Variants in ITPR2 observed in about 807,000 individuals in gnomAD.
ITPR2 encodes inositol 1,4,5-trisphosphate receptor type 2.
Under a neutral mutation model 317.1 loss-of-function variants are expected in ITPR2, and 207 were observed. That is an observed-to-expected ratio of 0.65 (90% confidence interval 0.58 to 0.73). The LOEUF (loss-of-function observed/expected upper bound fraction) is 0.73. Ranked by LOEUF, ITPR2 falls within the 30% of genes least tolerant of loss-of-function variation. The pLI is 0.00. For synonymous variants in ITPR2, 1,156 were observed against 1,149.1 expected (o/e 1.01, Z -0.12); for missense variants, 2,613 against 3,284.0 (o/e 0.80, Z 4.99).
intron 21 of ITPR2, among the ~76,000 whole-genome samples, chr12:26,651,006 CT>C (rs1947240360): frequency 6.6e-6 from 1 of 152,072 alleles, no homozygotes; most frequent in Non-Finnish European, 1.5e-5. Flanking sequence ...TCTCCATTTG[CT>C]TTCGTGGTTC....
intron 2 of ITPR2, among the ~76,000 whole-genome samples, chr12:26,745,317 A>C (rs1949301005): frequency 6.6e-6 from 1 of 152,260 alleles, no homozygotes; most frequent in African/African-American, 2.4e-5. Context: ...TAATGATTGC[A>C]CATGGTGATG....
At chr12:26,590,825 A>T (rs1407134529) in intron 32 of ITPR2, among the ~76,000 whole-genome samples, 1 of 152,166 alleles carries the variant, frequency 6.6e-6, no homozygotes, top group Non-Finnish European at 1.5e-5. Flanking sequence ...CACGCCTGTA[A>T]TCTTAGCACT....
intron 2 of ITPR2, among the ~76,000 whole-genome samples, chr12:26,749,152 G>C (rs780212100): frequency 2.0e-5 from 3 of 152,150 alleles, no homozygotes; most frequent in Non-Finnish European, 2.9e-5. Flanking sequence ...CTACTCTGCA[G>C]TTTGAAAGTT....
At chr12:26,408,496 C>T (rs1834360689) in intron 52 of ITPR2, among the ~76,000 whole-genome samples, 1 of 152,178 alleles carries the variant, frequency 6.6e-6, no homozygotes, top group Admixed American at 6.5e-5. Context: ...CAGGATTACA[C>T]AGAGCTGGGC....
chr12:26,712,634 TACAC>T (rs67872654), intron 8 of ITPR2, among the ~76,000 whole-genome samples: 19,757 of 148,766 alleles, frequency 0.13, 1,527 homozygotes, highest in African/African-American at 0.2. Context: ...TTGTCTCAAA[TACAC>T]ACACACACAC....
chr12:26,449,192 T>C (rs1941680808), intron 45 of ITPR2, among the ~76,000 whole-genome samples: 1 of 152,170 alleles, frequency 6.6e-6, no homozygotes, highest in African/African-American at 2.4e-5. Flanking sequence ...GACATAGCAA[T>C]TGGCTTTCCC....
intron 52 of ITPR2, among the ~76,000 whole-genome samples, chr12:26,405,657 T>C (rs1940324185): frequency 6.6e-6 from 1 of 152,230 alleles, no homozygotes; most frequent in African/African-American, 2.4e-5. Context: ...GTGTTTGTTA[T>C]GGTTTCTTAG....
At chr12:26,578,483 T>C (rs1170541226) in intron 34 of ITPR2, among the ~76,000 whole-genome samples, 2 of 152,132 alleles carry the variant, frequency 1.3e-5, no homozygotes, top group African/African-American at 2.4e-5. Flanking sequence ...CATATTAAAG[T>C]TCCATATGCA....
chr12:26,757,583 T>C (rs1051687729), intron 2 of ITPR2, among the ~76,000 whole-genome samples: 1 of 152,208 alleles, frequency 6.6e-6, no homozygotes, highest in African/African-American at 2.4e-5. Flanking sequence ...AATTCTTTCA[T>C]GCTTGAAGTC....
chr12:26,714,850 T>C (rs1948708953), intron 8 of ITPR2, among the ~76,000 whole-genome samples: 1 of 152,320 alleles, frequency 6.6e-6, no homozygotes, highest in African/African-American at 2.4e-5. Flanking sequence ...CTGATTCCAA[T>C]AGAAATGGCA....
rs571947260 is a variant in ITPR2, at chr12:26,456,876, G to T, written c.6343-13226C>A. 1.2e-4 allele frequency among the ~76,000 whole-genome samples: 19 copies of T among 152,242 alleles called. No individual in the cohort carries two copies. The East Asian group carries it at 2.9e-3, about 23-fold the overall frequency. ...TTTACTAGAGACAGGGTTTCACCTT[G>T]TTGGCCAGGCTGGTCTCAAACTCCT... On this transcript the variant is annotated intron_variant, in intron 45 of 56. Coordinates refer to ENST00000381340, the MANE Select transcript of ITPR2 (RefSeq NM_002223.4).
In ITPR2 at chr12:26,737,475, A is replaced by T. The variant is rs551955633; in HGVS notation, c.164-11710T>A. Among the ~76,000 whole-genome samples, 3 of 152,090 alleles carry T rather than the reference A, an allele frequency of 2.0e-5. No homozygotes were observed. In the South Asian group the frequency reaches 6.2e-4, roughly 32 times the overall value. On this transcript the variant is annotated intron_variant, in intron 2 of 56. Coordinates refer to ENST00000381340, the MANE Select transcript of ITPR2 (RefSeq NM_002223.4). ...TCACCATGTTGGACAGGCTGGTCTC[A>T]AACTCCTGACCTCGTGATCTGCCCA...
chr12:26,475,238 G>A, intron 45 of ITPR2, 58 bp downstream of exon 45: 5 of 1,589,668 alleles, frequency 3.1e-6, no homozygotes, highest in Non-Finnish European at 4.3e-6. Context: ...ACAAGCCATG[G>A]ATACAAAACA....
rs754525547 is a variant in ITPR2, at chr12:26,335,786, G to A, written c.*3611C>T. 1.3e-5 allele frequency: 2 copies of A among 152,200 alleles called. No individual in the cohort carries two copies. Among genetic ancestry groups the A allele is most frequent in the Non-Finnish European group, 2.9e-5 (2 of 68,042 alleles). 9.4% of individuals were successfully genotyped at this position (152,200 alleles called of 1,614,324 possible). On this transcript the variant is annotated 3_prime_UTR_variant, in exon 57 of 57. Coordinates refer to ENST00000381340, the MANE Select transcript of ITPR2 (RefSeq NM_002223.4). The stretch of plus-strand genomic sequence containing the variant: ...CCTCCCCCATCCCTGCATTTGGTGT[G>A]CACCTCACAATTTCATGCAATTTAG...
At chr12:26,784,829 T>C (rs1950185260) in intron 2 of ITPR2, among the ~76,000 whole-genome samples, 2 of 143,870 alleles carry the variant, frequency 1.4e-5, no homozygotes, top group South Asian at 4.6e-4. Flanking sequence ...GGAGCCTCTC[T>C]GCCTGGCTGC....
At chr12:26,664,503 G>A (rs935839277) in intron 14 of ITPR2, among the ~76,000 whole-genome samples, 1 of 152,120 alleles carries the variant, frequency 6.6e-6, no homozygotes, top group Non-Finnish European at 1.5e-5. Flanking sequence ...AACTCTTTTC[G>A]GCAGCAAGAC....
intron 37 of ITPR2, among the ~76,000 whole-genome samples, chr12:26,540,164 T>A (rs1944218870): frequency 6.6e-6 from 1 of 152,206 alleles, no homozygotes; most frequent in African/African-American, 2.4e-5. Flanking sequence ...ACATTATGCA[T>A]CAGCCCTATC....
intron 2 of ITPR2, among the ~76,000 whole-genome samples, chr12:26,748,774 C>T (rs1949368464): frequency 6.6e-6 from 1 of 152,090 alleles, no homozygotes; most frequent in African/African-American, 2.4e-5. Flanking sequence ...GGTGATGAGT[C>T]ACTGGAGAGA....
rs187792899 is a variant in ITPR2, at chr12:26,686,262, T to A, written c.1148+219A>T. 6.7e-3 allele frequency among the ~76,000 whole-genome samples: 1,014 copies of A among 152,206 alleles called. 2 individuals carry two copies. Among genetic ancestry groups the A allele is most frequent in the Non-Finnish European group, 0.011 (744 of 68,000 alleles). ...AATAAGAATAAATGATTCTTATAAA[T>A]TTTTCAGAGTTTCTTTGGTCCTGCA... is the stretch of plus-strand genomic sequence containing the variant. On this transcript the variant is annotated intron_variant, in intron 11 of 56. Transcript: ENST00000381340.
Sources: allele counts gnomAD v4.1 joint callset (sites outside exome capture counted in the v4.1 genomes callset), GRCh38; gene constraint gnomAD v4.1.1; transcripts MANE v1.5; gene names NCBI Gene and HGNC (gene_info 2026-07-23, HGNC 2026-07-21).